MACROD2: variants seen among roughly 807,000 people sequenced by gnomAD.
MACROD2 encodes ADP-ribose glycohydrolase MACROD2.
In MACROD2, 36 loss-of-function variants were observed where a neutral mutation model predicts 70.4. The ratio of observed to expected loss-of-function variants is 0.51; its 90% CI spans 0.39 to 0.68. The LOEUF is 0.68. Among genes scored for constraint, MACROD2 ranks in the 30% least tolerant of loss-of-function variants. The pLI is 0.00. For synonymous variants in MACROD2, 172 were observed against 178.8 expected (o/e 0.96, Z 0.30); for missense variants, 496 against 538.4 (o/e 0.92, Z 0.78).
chr20:15,991,225 G>C (rs1371163649), intron 15 of MACROD2, among the ~76,000 whole-genome samples: 4 of 152,208 alleles, frequency 2.6e-5, no homozygotes, highest in Non-Finnish European at 4.4e-5. Context: ...CTTAGTCCAT[G>C]TGGGAAACAT....
rs147802341 is a variant in MACROD2, at chr20:15,581,444, G to A, written c.645+81597G>A. Reference sequence around the variant, plus strand: ...GCCTCTGTGACCTCCAGTTATTTCAGTATGGAGAACTTAACAAAAGAATGT... The same window carrying A: ...GCCTCTGTGACCTCCAGTTATTTCAATATGGAGAACTTAACAAAAGAATGT... On this transcript the variant is annotated intron_variant, in intron 8 of 17. Coordinates refer to ENST00000684519, the MANE Select transcript of MACROD2 (RefSeq NM_001351661.2). 7.2e-3 allele frequency among the ~76,000 whole-genome samples: 1,102 copies of A among 152,224 alleles called. 5 individuals are homozygous for A. The highest frequency in any genetic ancestry group is 0.013 in the Non-Finnish European group (853 of 68,030).
intron 2 of MACROD2, among the ~76,000 whole-genome samples, chr20:14,080,279 T>A (rs937296952): frequency 6.6e-6 from 1 of 151,276 alleles, no homozygotes; most frequent in Admixed American, 6.6e-5. Flanking sequence ...CCATCTCTAC[T>A]AAAAATACAA....
chr20:14,828,665 G>C (rs73266723), intron 5 of MACROD2, among the ~76,000 whole-genome samples: 1,877 of 152,130 alleles, frequency 0.012, 49 homozygotes, highest in African/African-American at 0.043. Flanking sequence ...CATTGAACCT[G>C]ATCTAGGATG....
In MACROD2 at chr20:14,364,709, A is replaced by G. The variant is rs541389058; in HGVS notation, c.272-128770A>G. 3.9e-5 allele frequency among the ~76,000 whole-genome samples: 6 copies of G among 152,312 alleles called. No homozygotes were observed. The East Asian group carries it at 1.2e-3, about 29-fold the overall frequency. On this transcript the variant is annotated intron_variant, in intron 3 of 17. Coordinates refer to ENST00000684519, the MANE Select transcript of MACROD2 (RefSeq NM_001351661.2). ...TTCACACAAATGGGAATTGTACCGT[A>G]TATGACCTCTTGTATTTTGCTTTTT...
chr20:14,043,359 A>G lies in MACROD2; in HGVS notation c.163+40955A>G, dbSNP rs140996566. Among the ~76,000 whole-genome samples the G allele has an allele frequency of 9.8e-5, 15 of 152,356 alleles. No individual in the cohort carries two copies. The East Asian group carries it at 2.9e-3, about 29-fold the overall frequency. ...CATTTACCAGTTTATTATAAAGGAC[A>G]TTACAAAGGATATAGCTAAAGAGAT... On this transcript the variant is annotated intron_variant, in intron 2 of 17. Coordinates refer to ENST00000684519, the MANE Select transcript of MACROD2 (RefSeq NM_001351661.2).
intron 8 of MACROD2, among the ~76,000 whole-genome samples, chr20:15,744,090 A>G (rs1901241484): frequency 6.6e-6 from 1 of 151,942 alleles, no homozygotes; most frequent in Non-Finnish European, 1.5e-5. Context: ...TCCCTGAACA[A>G]TACAGTTTAG....
At chr20:15,204,607 G>T (rs2076685549) in intron 5 of MACROD2, among the ~76,000 whole-genome samples, 1 of 152,036 alleles carries the variant, frequency 6.6e-6, no homozygotes, top group South Asian at 2.1e-4. Context: ...ATTTTAAAAT[G>T]CTCCTGTATG....
At chr20:15,581,393 C>G (rs1305819767) in intron 8 of MACROD2, among the ~76,000 whole-genome samples, 2 of 152,146 alleles carry the variant, frequency 1.3e-5, no homozygotes, top group Non-Finnish European at 2.9e-5. Context: ...TTTGACCTCT[C>G]TTGATGAAAC....
intron 8 of MACROD2, among the ~76,000 whole-genome samples, chr20:15,777,004 C>T (rs962882080): frequency 6.6e-6 from 1 of 152,068 alleles, no homozygotes; most frequent in Non-Finnish European, 1.5e-5. Context: ...TCCTATTGTC[C>T]ATTAATTATG....
chr20:14,735,640 G>T (rs2071655042), intron 5 of MACROD2, among the ~76,000 whole-genome samples: 1 of 152,008 alleles, frequency 6.6e-6, no homozygotes, highest in Non-Finnish European at 1.5e-5. Flanking sequence ...TTGAGCCCAG[G>T]AGTTCGTGAC....
chr20:16,010,405 C>G (rs1026802890), intron 15 of MACROD2, among the ~76,000 whole-genome samples: 1 of 152,156 alleles, frequency 6.6e-6, no homozygotes, highest in Non-Finnish European at 1.5e-5. Flanking sequence ...CCACAGAAAC[C>G]AGAGGACAGA....
chr20:14,968,691 A>G (rs532909135), intron 5 of MACROD2, among the ~76,000 whole-genome samples: 1 of 152,264 alleles, frequency 6.6e-6, no homozygotes, highest in East Asian at 1.9e-4. Flanking sequence ...GATGGACCCA[A>G]GAATTTGCAA....
chr20:15,281,624 G>A (rs564314854), intron 6 of MACROD2, among the ~76,000 whole-genome samples: 2 of 152,258 alleles, frequency 1.3e-5, no homozygotes, highest in South Asian at 2.1e-4. Context: ...GCAAGAGGTG[G>A]GCTCCCAAGG....
intron 8 of MACROD2, among the ~76,000 whole-genome samples, chr20:15,687,001 T>G (rs1241794170): frequency 7.9e-6 from 1 of 126,330 alleles, no homozygotes; most frequent in East Asian, 2.5e-4. Context: ...AGTTTCTTTT[T>G]TTTTTCTTTT....
intron 3 of MACROD2, among the ~76,000 whole-genome samples, chr20:14,096,240 C>T (rs773693903): frequency 6.6e-6 from 1 of 151,824 alleles, no homozygotes; most frequent in Non-Finnish European, 1.5e-5. Flanking sequence ...AAGTATGTAT[C>T]GAGTACTCTT....
intron 3 of MACROD2, among the ~76,000 whole-genome samples, chr20:14,388,416 A>G (rs1022371650): frequency 3.3e-5 from 5 of 152,218 alleles, no homozygotes; most frequent in Non-Finnish European, 2.9e-5. Flanking sequence ...AAATTCATAT[A>G]TGACTTGATT....
chr20:15,050,480 C>T (rs950560772), intron 5 of MACROD2, among the ~76,000 whole-genome samples: 3 of 140,360 alleles, frequency 2.1e-5, no homozygotes, highest in African/African-American at 8.0e-5. Flanking sequence ...ACATTTTTGT[C>T]TATTTACATT....
At chr20:14,955,208 A>G (rs1548284) in intron 5 of MACROD2, among the ~76,000 whole-genome samples, 18,744 of 133,946 alleles carry the variant, frequency 0.14, 1,630 homozygotes, top group East Asian at 0.33. Context: ...TATCATTTAC[A>G]TAATATAATT....
At chr20:15,291,745 C>T (rs887913370) in intron 6 of MACROD2, among the ~76,000 whole-genome samples, 1 of 152,094 alleles carries the variant, frequency 6.6e-6, no homozygotes, top group Admixed American at 6.6e-5. Flanking sequence ...GACACAGCTG[C>T]ACCTGATATA....
Sources: gnomAD v4.1 joint callset for allele counts (sites outside exome capture counted in the v4.1 genomes callset) on GRCh38, gnomAD v4.1.1 for gene constraint, MANE v1.5 for transcripts, NCBI Gene and HGNC (gene_info 2026-07-23, HGNC 2026-07-21) for gene names.